The following RGS8 variants were observed in gnomAD, a reference collection of about 807,000 sequenced individuals.
RGS8 encodes regulator of G protein signaling 8.
RGS8 carries 8 observed loss-of-function variants against 21.7 expected under a neutral mutation model. That is an observed-to-expected ratio of 0.37 (90% confidence interval 0.22 to 0.66). The LOEUF (loss-of-function observed/expected upper bound fraction) is 0.66. RGS8 is among the 30% of genes least tolerant of loss of function. The pLI is 0.59. For synonymous variants in RGS8, 80 were observed against 83.6 expected (o/e 0.96, Z 0.24); for missense variants, 157 against 217.9 (o/e 0.72, Z 1.76).
At chr1:182,642,954 T>G (rs1449575329), downstream of RGS8, 3 of 152,178 alleles carry the variant, frequency 2.0e-5, no homozygotes, top group Admixed American at 6.5e-5. Context: ...AACTACCTTG[T>G]CACGTGGCCT....
chr1:182,690,965 C>T, the RGS8 span, among the ~76,000 whole-genome samples: 3 of 152,166 alleles, frequency 2.0e-5, no homozygotes, highest in African/African-American at 7.2e-5. Context: ...CATGAGGAAC[C>T]CTGCACTAAC....
the RGS8 span, among the ~76,000 whole-genome samples, chr1:182,724,704 C>G: frequency 4.3e-3 from 647 of 152,100 alleles, 10 homozygotes; most frequent in African/African-American, 0.015. Flanking sequence ...ATTACAGGCG[C>G]CTGCCACCAC....
upstream of RGS8, among the ~76,000 whole-genome samples, chr1:182,687,390 T>G (rs781239167): frequency 2.0e-5 from 3 of 152,266 alleles, no homozygotes; most frequent in Non-Finnish European, 2.9e-5. Context: ...GTCTGGGTAC[T>G]GCACTTGACA....
At chr1:182,665,187 A>G (rs1663792822) in intron 5 of RGS8, among the ~76,000 whole-genome samples, 1 of 152,208 alleles carries the variant, frequency 6.6e-6, no homozygotes, top group South Asian at 2.1e-4. Flanking sequence ...CTTTCTCTTC[A>G]CAAAACCCCT....
chr1:182,727,670 T>C, the RGS8 span, among the ~76,000 whole-genome samples: 1 of 152,122 alleles, frequency 6.6e-6, no homozygotes, highest in Non-Finnish European at 1.5e-5. Context: ...TCATCTATTC[T>C]GTATTTTTCT....
chr1:182,701,585 G>T, the RGS8 span, among the ~76,000 whole-genome samples: 1 of 152,200 alleles, frequency 6.6e-6, no homozygotes, highest in East Asian at 1.9e-4. Flanking sequence ...GGCACTACTG[G>T]GAGAAGTTAA....
chr1:182,692,569 G>A, the RGS8 span, among the ~76,000 whole-genome samples: 4 of 149,190 alleles, frequency 2.7e-5, no homozygotes, highest in Non-Finnish European at 5.9e-5. Context: ...TACAGATTCA[G>A]TGCTATACCT....
intron 5 of RGS8, among the ~76,000 whole-genome samples, chr1:182,664,379 A>G (rs1372935521): frequency 6.6e-6 from 1 of 152,208 alleles, no homozygotes; most frequent in Non-Finnish European, 1.5e-5. Context: ...CTCTTATTAA[A>G]TTTCTCATAT....
chr1:182,669,236 G>A (rs903149841), intron 3 of RGS8, among the ~76,000 whole-genome samples: 1 of 152,198 alleles, frequency 6.6e-6, no homozygotes, highest in South Asian at 2.1e-4. Flanking sequence ...GGAGTCAAAG[G>A]TTAAGGATAC....
intron 6 of RGS8, among the ~76,000 whole-genome samples, chr1:182,647,785 A>T (rs1174952187): frequency 6.6e-6 from 1 of 152,216 alleles, no homozygotes; most frequent in African/African-American, 2.4e-5. Flanking sequence ...GCTAAAATTG[A>T]AACAAGATTT....
the RGS8 span, among the ~76,000 whole-genome samples, chr1:182,707,101 TGAGCCG>T: frequency 6.6e-6 from 1 of 151,946 alleles, no homozygotes; most frequent in Admixed American, 6.6e-5. Flanking sequence ...GAGGTTGCAT[TGAGCCG>T]AGATCGCACC....
chr1:182,673,308 A>G (rs1202664600), upstream of RGS8, among the ~76,000 whole-genome samples: 4 of 152,224 alleles, frequency 2.6e-5, no homozygotes, highest in Non-Finnish European at 5.9e-5. Flanking sequence ...ACAGTCAGAG[A>G]GGGTATTATT....
chr1:182,673,608 G>T (rs2102449162), upstream of RGS8, among the ~76,000 whole-genome samples: 1 of 152,234 alleles, frequency 6.6e-6, no homozygotes, highest in Non-Finnish European at 1.5e-5. Flanking sequence ...GTCTCTTTCT[G>T]ATATCGTCCA....
rs750161576 is a variant in RGS8 at position 182,666,861 on chromosome 1, G to C, written c.128+11C>G. The C allele has an allele frequency of 1.9e-6, 3 of 1,602,206 alleles. No individual in the cohort carries two copies. In the African/African-American group the frequency reaches 4.0e-5, roughly 21 times the overall value. ...ATTACCCAGGGAATGGCACGTGGCC[G>C]TACTACTCACTTGAGAGCGCGGTTG... On this transcript the variant is annotated intron_variant, in intron 4 of 6. Transcript: ENST00000483095.
the RGS8 span, among the ~76,000 whole-genome samples, chr1:182,691,047 C>T: frequency 1.3e-5 from 2 of 152,240 alleles, no homozygotes; most frequent in Non-Finnish European, 2.9e-5. Flanking sequence ...TGCTGCCAGA[C>T]ATGTGAGTGA....
chr1:182,689,290 CA>C (rs1232460033), upstream of RGS8, among the ~76,000 whole-genome samples: 12 of 150,862 alleles, frequency 8.0e-5, no homozygotes, highest in African/African-American at 3.0e-4. Flanking sequence ...CACACACACA[CA>C]CACACACACA....
chr1:182,689,264 G>GACAC (rs34000229), upstream of RGS8, among the ~76,000 whole-genome samples: 4,080 of 125,734 alleles, frequency 0.032, 72 homozygotes, highest in South Asian at 0.053. Context: ...CACACACACA[G>GACAC]ACACACACAC....
intron 5 of RGS8, among the ~76,000 whole-genome samples, chr1:182,661,813 C>T (rs1663604228): frequency 7.9e-6 from 1 of 126,580 alleles, no homozygotes; most frequent in African/African-American, 3.7e-5. Context: ...CACATTCACA[C>T]ACACACACAC....
chr1:182,685,091 CAAAA>C (rs34359463), upstream of RGS8, among the ~76,000 whole-genome samples: 9 of 137,074 alleles, frequency 6.6e-5, no homozygotes, highest in South Asian at 2.4e-4. Flanking sequence ...CTCAAAGAGG[CAAAA>C]AAAAAAAAAA....
Sources: allele counts gnomAD v4.1 joint callset (sites outside exome capture counted in the v4.1 genomes callset), GRCh38; gene constraint gnomAD v4.1.1; transcripts MANE v1.5; gene names NCBI Gene and HGNC (gene_info 2026-07-23, HGNC 2026-07-21).